BMPR1B: variants seen among roughly 807,000 people sequenced by gnomAD.
BMPR1B encodes the protein bone morphogenetic protein receptor type 1B, also known as bone morphogenetic protein receptor type-1B.
A neutral mutation model predicts 59.1 loss-of-function variants in BMPR1B; 12 were observed. The observed-to-expected ratio is 0.20, with a 90% CI of 0.13 to 0.33. The LOEUF is 0.33. Ranked by LOEUF, BMPR1B falls within the 10% of genes least tolerant of loss-of-function variation. The probability of loss-of-function intolerance (pLI) is 1.00; values close to 1 mark genes in which losing one functional copy is unlikely to be tolerated. For synonymous variants in BMPR1B, 237 were observed against 207.3 expected (o/e 1.14, Z -1.23); for missense variants, 550 against 610.9 (o/e 0.90, Z 1.05).
intron 10 of BMPR1B, among the ~76,000 whole-genome samples, chr4:95,144,645 G>A (rs1266664880): frequency 6.6e-6 from 1 of 151,840 alleles, no homozygotes; most frequent in Non-Finnish European, 1.5e-5. Context: ...CATTAACAGG[G>A]ACAAAAGCCA....
At chr4:95,025,633 A>C (rs903065352) in intron 3 of BMPR1B, among the ~76,000 whole-genome samples, 1 of 151,222 alleles carries the variant, frequency 6.6e-6, no homozygotes, top group Non-Finnish European at 1.5e-5. Context: ...AGAAGTTGCC[A>C]CTTCAGTAGC....
chr4:94,838,769 C>T, intron 1 of BMPR1B, among the ~76,000 whole-genome samples: 2 of 127,566 alleles, frequency 1.6e-5, no homozygotes, highest in African/African-American at 3.1e-5. Context: ...TTCAGTTCTG[C>T]TCTGATTTTA....
chr4:94,904,990 A>G (rs1197356691), intron 2 of BMPR1B, among the ~76,000 whole-genome samples: 1 of 152,058 alleles, frequency 6.6e-6, no homozygotes, highest in African/African-American at 2.4e-5. Flanking sequence ...AAAGTCTTGG[A>G]AGCTTTAAAT....
intron 1 of BMPR1B, among the ~76,000 whole-genome samples, chr4:94,823,114 A>C (rs1724260997): frequency 6.6e-6 from 1 of 151,912 alleles, no homozygotes; most frequent in Non-Finnish European, 1.5e-5. Context: ...GTTAACCAGA[A>C]ACTCTTTTAA....
At chr4:95,003,556 T>C (rs1222866696) in intron 3 of BMPR1B, among the ~76,000 whole-genome samples, 1 of 152,154 alleles carries the variant, frequency 6.6e-6, no homozygotes, top group African/African-American at 2.4e-5. Flanking sequence ...CCAAATAATA[T>C]AATCTGTGTG....
intron 2 of BMPR1B, among the ~76,000 whole-genome samples, chr4:94,881,362 A>G (rs1321830942): frequency 2.6e-5 from 4 of 152,108 alleles, no homozygotes; most frequent in Non-Finnish European, 4.4e-5. Context: ...TCATGAATAG[A>G]TTCAGGTCAT....
At chr4:94,856,934 C>T (rs914766760) in intron 1 of BMPR1B, among the ~76,000 whole-genome samples, 2 of 152,162 alleles carry the variant, frequency 1.3e-5, no homozygotes, top group African/African-American at 4.8e-5. Context: ...GCAAAGAGCT[C>T]TAAGGAGAAC....
chr4:94,970,302 TTCTTTCTCTCTC>T lies in BMPR1B; in HGVS notation c.-112-25726_-112-25715del, dbSNP rs1463262907. Reference sequence around the variant, plus strand: ...TTCTCTTCTCTTCTCTTCTCTTCTCTTCTTTCTCTCTCTCTTTCTCTCTTTTTCTCTTTCGGA... The same window carrying T: ...TTCTCTTCTCTTCTCTTCTCTTCTCTTCTTTCTCTCTTTTTCTCTTTCGGA... On this transcript the variant is annotated intron_variant, in intron 2 of 12. Coordinates refer to ENST00000515059, the MANE Select transcript of BMPR1B (RefSeq NM_001203.3). Among the ~76,000 whole-genome samples, 10 of 92,806 alleles carry T rather than the reference TTCTTTCTCTCTC, an allele frequency of 1.1e-4. No individual in the cohort carries two copies. In the East Asian group the frequency reaches 2.8e-3, roughly 26 times the overall value. 60.9% of individuals were successfully genotyped at this position (92,806 alleles called of 152,430 possible).
intron 2 of BMPR1B, among the ~76,000 whole-genome samples, chr4:94,986,793 G>GGAGC (rs1186738096): frequency 6.6e-6 from 1 of 151,912 alleles, no homozygotes; most frequent in African/African-American, 2.4e-5. Context: ...TGTAACCCCG[G>GGAGC]CACTTTGGGA....
At chr4:95,071,644 G>GTATATATA (rs1410154969) in intron 3 of BMPR1B, among the ~76,000 whole-genome samples, 7 of 83,620 alleles carry the variant, frequency 8.4e-5, no homozygotes, top group African/African-American at 3.9e-4. Context: ...GTGTGTGTGT[G>GTATATATA]TGTGTGTGTA....
At chr4:94,832,868 A>G (rs1054900052) in intron 1 of BMPR1B, among the ~76,000 whole-genome samples, 2 of 152,044 alleles carry the variant, frequency 1.3e-5, no homozygotes, top group Non-Finnish European at 1.5e-5. Flanking sequence ...AGAAATCCCA[A>G]CTCTGCACTT....
intron 2 of BMPR1B, among the ~76,000 whole-genome samples, chr4:94,892,413 A>G (rs563173376): frequency 2.6e-4 from 39 of 152,200 alleles, no homozygotes; most frequent in African/African-American, 9.1e-4. Context: ...TGTAGTTATA[A>G]TTATGTGAGA....
chr4:94,856,994 G>T (rs978109907), intron 1 of BMPR1B, among the ~76,000 whole-genome samples: 1 of 152,102 alleles, frequency 6.6e-6, no homozygotes, highest in Non-Finnish European at 1.5e-5. Flanking sequence ...ACTAAAACAG[G>T]GTTGGACACA....
At chr4:95,034,625 T>C (rs956390923) in intron 3 of BMPR1B, among the ~76,000 whole-genome samples, 17 of 148,900 alleles carry the variant, frequency 1.1e-4, no homozygotes, top group South Asian at 4.3e-4. Flanking sequence ...TTTTATGGCT[T>C]AGTAGTATTC....
At chr4:94,892,996 G>C (rs1292032267) in intron 2 of BMPR1B, among the ~76,000 whole-genome samples, 1 of 151,906 alleles carries the variant, frequency 6.6e-6, no homozygotes, top group Non-Finnish European at 1.5e-5. Flanking sequence ...CATGAAGATT[G>C]CAGGAGCAAA....
At chr4:94,808,939 C>T (rs895704239) in intron 1 of BMPR1B, among the ~76,000 whole-genome samples, 2 of 152,044 alleles carry the variant, frequency 1.3e-5, no homozygotes, top group Non-Finnish European at 2.9e-5. Flanking sequence ...CCTGTAGTTC[C>T]AGCTACTTGG....
chr4:95,090,566 C>T (rs1366588250), intron 3 of BMPR1B, among the ~76,000 whole-genome samples: 1 of 151,956 alleles, frequency 6.6e-6, no homozygotes, highest in Non-Finnish European at 1.5e-5. Flanking sequence ...AGAACAACAA[C>T]AAAATTGACA....
intron 1 of BMPR1B, among the ~76,000 whole-genome samples, chr4:94,760,058 A>G (rs1014468325): frequency 4.6e-5 from 7 of 152,086 alleles, no homozygotes; most frequent in East Asian, 1.9e-4. Context: ...ATAAGTTGAT[A>G]TGATCTCATT....
chr4:94,759,460 C>T (rs936447493), intron 1 of BMPR1B, among the ~76,000 whole-genome samples: 2 of 152,232 alleles, frequency 1.3e-5, no homozygotes, highest in Non-Finnish European at 2.9e-5. Context: ...ATGGAAATCT[C>T]TTGCTGTGCT....
Sources: gnomAD v4.1 joint callset for allele counts (sites outside exome capture counted in the v4.1 genomes callset) on GRCh38, gnomAD v4.1.1 for gene constraint, MANE v1.5 for transcripts, NCBI Gene and HGNC (gene_info 2026-07-23, HGNC 2026-07-21) for gene names.